MAP7: variants seen among roughly 807,000 people sequenced by gnomAD.
MAP7 encodes ensconsin.
MAP7 carries 52 observed loss-of-function variants against 94.8 expected under a neutral mutation model. That is an observed-to-expected ratio of 0.55 (90% confidence interval 0.44 to 0.69). The LOEUF is 0.69. Ranked by LOEUF, MAP7 falls within the 30% of genes least tolerant of loss-of-function variation. The pLI is 0.00. For synonymous variants in MAP7, 350 were observed against 357.0 expected, an observed-to-expected ratio of 0.98 and a Z score of 0.22; for missense variants, 940 against 964.6, an observed-to-expected ratio of 0.97 and a Z score of 0.34.
chr6:136,534,792 C>T (rs1441310574), intron 1 of MAP7, among the ~76,000 whole-genome samples: 1 of 151,980 alleles, frequency 6.6e-6, no homozygotes, highest in Non-Finnish European at 1.5e-5. Context: ...TCAAATGAAC[C>T]CTTTTAATGA....
intron 16 of MAP7, among the ~76,000 whole-genome samples, chr6:136,354,997 G>C (rs1476949765): frequency 6.6e-6 from 1 of 152,136 alleles, no homozygotes. Flanking sequence ...GCCAAGATGG[G>C]TGGATCACTT....
intron 1 of MAP7, among the ~76,000 whole-genome samples, chr6:136,423,109 AACAAGT>A (rs1791913088): frequency 6.6e-6 from 1 of 152,220 alleles, no homozygotes; most frequent in South Asian, 2.1e-4. Context: ...GAAGGTGTTT[AACAAGT>A]ATTCAAGGCC....
chr6:136,468,890 A>C (rs1436489287), intron 1 of MAP7, among the ~76,000 whole-genome samples: 1 of 152,154 alleles, frequency 6.6e-6, no homozygotes, highest in East Asian at 1.9e-4. Flanking sequence ...TGCTGATGGG[A>C]AATGACTGGT....
At position 136,542,662 on chromosome 6, in the gene MAP7, C is replaced by T. The variant is rs574000929; in HGVS notation, c.67+7680G>A. 2.5e-4 allele frequency among the ~76,000 whole-genome samples: 38 copies of T among 151,684 alleles called. 1 individual carries two copies. The South Asian group carries it at 7.5e-3, about 30-fold the overall frequency. ...TCTATAATCAACTTCAGAATGCATA[C>T]TCCACAGGAAATAAGAGATACTATG... is the stretch of plus-strand genomic sequence containing the variant. On this transcript the variant is annotated intron_variant, in intron 1 of 17. Transcript: ENST00000354570.
intron 1 of MAP7, among the ~76,000 whole-genome samples, chr6:136,505,759 C>A (rs1821331556): frequency 6.6e-6 from 1 of 151,902 alleles, no homozygotes; most frequent in Non-Finnish European, 1.5e-5. Context: ...TGCACATGTA[C>A]CCCTGAACTT....
At chr6:136,392,388 CTTTTT>C (rs11347286) in intron 3 of MAP7, among the ~76,000 whole-genome samples, 2 of 102,614 alleles carry the variant, frequency 1.9e-5, no homozygotes, top group Non-Finnish European at 2.0e-5. Flanking sequence ...CTGCATCTTG[CTTTTT>C]TTTTTTTTTT....
At chr6:136,540,750 G>C (rs1243266108) in intron 1 of MAP7, among the ~76,000 whole-genome samples, 1 of 152,174 alleles carries the variant, frequency 6.6e-6, no homozygotes, top group Non-Finnish European at 1.5e-5. Flanking sequence ...TTAGTTCTCA[G>C]CACTGATTGC....
chr6:136,377,614 G>T, intron 7 of MAP7, 141 bp downstream of exon 7: 1 of 616,246 alleles, frequency 1.6e-6, no homozygotes, highest in South Asian at 1.8e-5. Flanking sequence ...CAATGACAGG[G>T]GTATGAAACC....
intron 1 of MAP7, among the ~76,000 whole-genome samples, chr6:136,462,122 C>T (rs1805426887): frequency 6.6e-6 from 1 of 150,410 alleles, no homozygotes; most frequent in East Asian, 2.0e-4. Flanking sequence ...CTTACTTGAG[C>T]CCAGGGGTTC....
chr6:136,422,878 T>C lies in MAP7; in HGVS notation c.68-1079A>G, dbSNP rs76712770. 8.9e-3 allele frequency among the ~76,000 whole-genome samples: 1,363 copies of C among 152,310 alleles called. 59 individuals are homozygous for C. In the East Asian group the frequency reaches 0.14, roughly 15 times the overall value. On this transcript the variant is annotated intron_variant, in intron 1 of 17. Transcript: ENST00000354570. Reference sequence around the variant, plus strand: ...TTCTTCAATGGTTTAAGAGTCTGTATTTCTTCAAAAACTTCTTTGGTGAAC... The same window carrying C: ...TTCTTCAATGGTTTAAGAGTCTGTACTTCTTCAAAAACTTCTTTGGTGAAC...
chr6:136,413,207 G>A (rs757714341), intron 2 of MAP7, among the ~76,000 whole-genome samples: 29 of 151,800 alleles, frequency 1.9e-4, no homozygotes, highest in South Asian at 4.1e-4. Flanking sequence ...AGAACCTTGC[G>A]TTAAAAATGG....
intron 3 of MAP7, among the ~76,000 whole-genome samples, chr6:136,402,905 C>CAAAAAAAAA (rs57114676): frequency 5.5e-4 from 37 of 67,388 alleles, no homozygotes; most frequent in Non-Finnish European, 6.1e-4. Context: ...GACTCTGTCT[C>CAAAAAAAAA]AAAAAAAAAA....
At chr6:136,347,700 C>T (rs1176138125) in intron 16 of MAP7, among the ~76,000 whole-genome samples, 1 of 152,116 alleles carries the variant, frequency 6.6e-6, no homozygotes. Context: ...GCCACCACGC[C>T]CAGTCAAAAT....
chr6:136,452,520 A>G (rs1404463650), intron 1 of MAP7, among the ~76,000 whole-genome samples: 1 of 152,204 alleles, frequency 6.6e-6, no homozygotes, highest in Non-Finnish European at 1.5e-5. Context: ...TAAAGGCTCA[A>G]ATGATCATCA....
chr6:136,476,862 A>C (rs76275582), intron 1 of MAP7, among the ~76,000 whole-genome samples: 2,094 of 152,344 alleles, frequency 0.014, 85 homozygotes, highest in East Asian at 0.14. Flanking sequence ...ATAAATATTC[A>C]CAAGTCTACA....
intron 1 of MAP7, among the ~76,000 whole-genome samples, chr6:136,518,078 T>G (rs3799454): frequency 6.6e-6 from 1 of 151,998 alleles, no homozygotes; most frequent in Non-Finnish European, 1.5e-5. Flanking sequence ...ATTAGGAGTA[T>G]GGAGGTGGCT....
intron 1 of MAP7, among the ~76,000 whole-genome samples, chr6:136,508,319 C>T (rs1394324813): frequency 6.6e-6 from 1 of 151,544 alleles, no homozygotes; most frequent in East Asian, 1.9e-4. Flanking sequence ...GAGTGAGACA[C>T]TGTCTCAAAA....
At chr6:136,539,529 A>C (rs1236694675) in intron 1 of MAP7, among the ~76,000 whole-genome samples, 1 of 152,198 alleles carries the variant, frequency 6.6e-6, no homozygotes, top group Non-Finnish European at 1.5e-5. Context: ...TGACCTCTTC[A>C]TTTTTGCCTT....
At chr6:136,428,452 G>A (rs1193572730) in intron 1 of MAP7, among the ~76,000 whole-genome samples, 1 of 152,046 alleles carries the variant, frequency 6.6e-6, no homozygotes, top group Non-Finnish European at 1.5e-5. Context: ...CCCAGGAAGT[G>A]GAGATTGCAG....
Sources: gnomAD v4.1 joint callset for allele counts (sites outside exome capture counted in the v4.1 genomes callset) on GRCh38, gnomAD v4.1.1 for gene constraint, MANE v1.5 for transcripts, NCBI Gene and HGNC (gene_info 2026-07-23, HGNC 2026-07-21) for gene names.